UTRN: variants seen among roughly 807,000 people sequenced by gnomAD.
UTRN encodes the protein dystrophin-related protein 1.
UTRN carries 283 observed loss-of-function variants against 463.9 expected under a neutral mutation model. That is an observed-to-expected ratio of 0.61 (90% CI 0.55 to 0.67). The LOEUF (loss-of-function observed/expected upper bound fraction) is 0.67, where lower values mean the gene tolerates loss of function less well. UTRN is among the 30% of genes least tolerant of loss of function. The pLI, the probability that UTRN is intolerant of heterozygous loss-of-function variation, is 0.00. For synonymous variants in UTRN, 1,442 were observed against 1,431.5 expected (o/e 1.01, Z -0.17); for missense variants, 3,922 against 4,084.3 (o/e 0.96, Z 1.08).
At position 144,473,764 on chromosome 6, in the gene UTRN, C is replaced by A; in HGVS notation, c.3111C>A (p.Asp1037Glu). ...AGAAGTGGATGGATGGCGTGAAAGA[C>A]TTCTTAATGAAACAGCAGGCTGCCC... Reference protein sequence around the residue: ...VIEKWMDGVKDFLMKQQAAQG... With the variant: ...VIEKWMDGVKEFLMKQQAAQG... The change falls in exon 24 of 75, where the codon GAC becomes GAA. Residue 1037 changes from aspartate to glutamate, a missense_variant. This residue lies in a region of UTRN where 2,349 missense variants were observed against 2,303.8 expected (regional missense o/e 1.02). Coordinates refer to ENST00000367545, the MANE Select transcript of UTRN (RefSeq NM_007124.3). 1 of 1,614,114 alleles carries A rather than the reference C, an allele frequency of 6.2e-7. No individual in the cohort carries two copies. Among genetic ancestry groups the A allele is most frequent in the Non-Finnish European group, 8.5e-7 (1 of 1,180,024 alleles).
At chr6:144,360,626 G>A (rs1026865284) in intron 2 of UTRN, among the ~76,000 whole-genome samples, 1 of 152,208 alleles carries the variant, frequency 6.6e-6, no homozygotes, top group African/African-American at 2.4e-5. Flanking sequence ...TGGCTGGAAA[G>A]TTCACACTCA....
At chr6:144,298,619 C>G (rs1379453786) in intron 2 of UTRN, among the ~76,000 whole-genome samples, 1 of 152,182 alleles carries the variant, frequency 6.6e-6, no homozygotes, top group African/African-American at 2.4e-5. Flanking sequence ...AGCAGTGGAG[C>G]TCAACAACAC....
intron 34 of UTRN, among the ~76,000 whole-genome samples, chr6:144,505,619 T>C (rs1174193211): frequency 6.6e-6 from 1 of 152,184 alleles, no homozygotes; most frequent in African/African-American, 2.4e-5. Flanking sequence ...TCTGAGAGAC[T>C]GTTTGTTACG....
At chr6:144,742,126 G>A (rs925822752) in intron 54 of UTRN, among the ~76,000 whole-genome samples, 6 of 152,110 alleles carry the variant, frequency 3.9e-5, no homozygotes, top group African/African-American at 1.4e-4. Flanking sequence ...TCCACTGGCA[G>A]CATGGATGAA....
At chr6:144,433,487 GGT>G (rs1215647159) in intron 9 of UTRN, among the ~76,000 whole-genome samples, 8 of 149,816 alleles carry the variant, frequency 5.3e-5, no homozygotes, top group East Asian at 2.0e-4. Context: ...CCAGGCAGAG[GGT>G]CTCCTCACTT....
At chr6:144,630,573 C>G (rs4895647) in intron 51 of UTRN, among the ~76,000 whole-genome samples, 86,570 of 152,008 alleles carry the variant, frequency 0.57, 25,731 homozygotes, top group East Asian at 0.86. Flanking sequence ...ACCTTTCCCC[C>G]TGATTCAGTT....
At chr6:144,746,102 G>A (rs1018778685) in intron 54 of UTRN, among the ~76,000 whole-genome samples, 3 of 152,022 alleles carry the variant, frequency 2.0e-5, no homozygotes, top group African/African-American at 7.2e-5. Context: ...CCGGGGTCAA[G>A]CGATTCTTCT....
chr6:144,688,996 A>G (rs970299848), intron 52 of UTRN, among the ~76,000 whole-genome samples: 2 of 152,108 alleles, frequency 1.3e-5, no homozygotes, highest in African/African-American at 2.4e-5. Flanking sequence ...AAAGGGAGGA[A>G]GCTACCTCAG....
At chr6:144,830,829 G>A (rs1185402071) in intron 69 of UTRN, among the ~76,000 whole-genome samples, 1 of 151,930 alleles carries the variant, frequency 6.6e-6, no homozygotes, top group Non-Finnish European at 1.5e-5. Flanking sequence ...GTTCCTGGAA[G>A]CCAAAAGATT....
At chr6:144,516,485 C>A in intron 38 of UTRN, 98 bp downstream of exon 38, 1 of 1,299,990 alleles carries the variant, frequency 7.7e-7, no homozygotes, top group Non-Finnish European at 1.1e-6. Context: ...ATCTGTCAAA[C>A]ATGATGAAAC....
chr6:144,466,131 G>T (rs1178958384), intron 23 of UTRN, among the ~76,000 whole-genome samples: 1 of 152,180 alleles, frequency 6.6e-6, no homozygotes, highest in Admixed American at 6.5e-5. Context: ...CCCCCACACT[G>T]TGGAAAGAAA....
At chr6:144,639,075 A>G (rs1388535938) in intron 51 of UTRN, among the ~76,000 whole-genome samples, 1 of 150,130 alleles carries the variant, frequency 6.7e-6, no homozygotes, top group Non-Finnish European at 1.5e-5. Context: ...TTTCTAAAAA[A>G]TAAAATAAAA....
intron 51 of UTRN, among the ~76,000 whole-genome samples, chr6:144,647,434 C>A (rs116394498): frequency 6.6e-6 from 1 of 152,106 alleles, no homozygotes; most frequent in South Asian, 2.1e-4. Flanking sequence ...AGATCACAGG[C>A]GCATCAAGGA....
At chr6:144,512,949 A>G (rs145779553) in intron 35 of UTRN, among the ~76,000 whole-genome samples, 169 of 152,332 alleles carry the variant, frequency 1.1e-3, no homozygotes, top group African/African-American at 4.0e-3. Context: ...CACAAAATAT[A>G]ATTGCTAAAG....
intron 51 of UTRN, among the ~76,000 whole-genome samples, chr6:144,581,175 A>G (rs577071803): frequency 3.3e-5 from 5 of 152,348 alleles, no homozygotes; most frequent in South Asian, 2.1e-4. Context: ...CTATATTCAG[A>G]TAAGAGTATT....
chr6:144,435,945 C>A lies in UTRN; in HGVS notation c.866C>A (p.Pro289His), dbSNP rs1158784366. 6.2e-7 allele frequency: 1 copy of A among 1,613,910 alleles called. No individual in the cohort carries two copies. Among genetic ancestry groups the A allele is most frequent in the Non-Finnish European group, 8.5e-7 (1 of 1,180,040 alleles). ...GCTTTGTTTTTACAGAGTACAGCGC[C>A]TGAGGAGGAGCATGAGAGTCCCCGA... ...EEAINIQSTAPEEEHESPRAE... is the reference protein window; with the variant it reads ...EEAINIQSTAHEEEHESPRAE... Residue 289 changes from proline to histidine, a missense_variant, in exon 10 of 75, where the codon CCT becomes CAT. By Grantham distance (77) the Pro-to-His change is moderately conservative. This residue lies in a region of UTRN where 2,349 missense variants were observed against 2,303.8 expected (regional missense o/e 1.02). Coordinates refer to ENST00000367545, the MANE Select transcript of UTRN (RefSeq NM_007124.3).
intron 58 of UTRN, among the ~76,000 whole-genome samples, chr6:144,759,185 C>T (rs1211996987): frequency 6.6e-6 from 1 of 151,958 alleles, no homozygotes; most frequent in Non-Finnish European, 1.5e-5. Flanking sequence ...CTACAATGCA[C>T]TGAGTTGTGA....
At position 144,687,727 on chromosome 6, in the gene UTRN, C is replaced by T. The variant is rs554001600; in HGVS notation, c.7652+9149C>T. 6.6e-4 allele frequency among the ~76,000 whole-genome samples: 101 copies of T among 152,166 alleles called. 2 individuals are homozygous for T. The Middle Eastern group carries it at 0.017, about 26-fold the overall frequency. The stretch of plus-strand genomic sequence containing the variant: ...CAGTCTGCTAAGTCTGCTGTTCATT[C>T]GATAAGTTTTTCTTTATAGGTTACT... On this transcript the variant is annotated intron_variant, in intron 52 of 74. Transcript: ENST00000367545.
intron 54 of UTRN, among the ~76,000 whole-genome samples, chr6:144,732,259 C>CATATATATATATATATATATAT (rs1472448349): frequency 1.1e-5 from 1 of 94,718 alleles, no homozygotes; most frequent in Non-Finnish European, 2.0e-5. Flanking sequence ...TATATATATA[C>CATATATATATATATATATATAT]ACACATATAT....
Sources: allele counts gnomAD v4.1 joint callset (sites outside exome capture counted in the v4.1 genomes callset), GRCh38; gene constraint gnomAD v4.1.1; regional missense constraint gnomAD v4.1.1; transcripts MANE v1.5; gene names NCBI Gene and HGNC (gene_info 2026-07-23, HGNC 2026-07-21).